The following ETV6 variants were observed in gnomAD, a reference collection of about 807,000 sequenced individuals.
The protein encoded by ETV6 is transcription factor ETV6.
ETV6 carries 16 observed loss-of-function variants against 51.1 expected under a neutral mutation model. The ratio of observed to expected loss-of-function variants is 0.31; its 90% CI spans 0.21 to 0.48. ETV6 has a LOEUF of 0.48. Among genes scored for constraint, ETV6 ranks in the 20% least tolerant of loss-of-function variants. The pLI is 0.99. For missense variants in ETV6, 458 were observed against 594.8 expected, an observed-to-expected ratio of 0.77 and a Z score of 2.39; for synonymous variants, 240 against 224.1, an observed-to-expected ratio of 1.07 and a Z score of -0.64.
intron 1 of ETV6, among the ~76,000 whole-genome samples, chr12:11,739,884 T>C (rs1029131819): frequency 2.6e-5 from 4 of 152,210 alleles, no homozygotes; most frequent in African/African-American, 7.2e-5. Context: ...AGAAGCATTA[T>C]TGGACTTTCT....
intron 1 of ETV6, among the ~76,000 whole-genome samples, chr12:11,746,790 C>CTTTT (rs56135545): frequency 8.4e-6 from 1 of 118,656 alleles, no homozygotes; most frequent in African/African-American, 3.1e-5. Context: ...CTCTCTCTCT[C>CTTTT]TTTTTTTTTT....
chr12:11,799,710 C>T (rs1245768890), intron 2 of ETV6, among the ~76,000 whole-genome samples: 2 of 152,168 alleles, frequency 1.3e-5, no homozygotes, highest in East Asian at 3.8e-4. Flanking sequence ...TTCTTGGTCC[C>T]CAAACTGGGC....
chr12:11,893,768 T>A lies in ETV6; in HGVS notation c.*2722T>A, dbSNP rs912387701. 5.6e-5 allele frequency: 10 copies of A among 179,830 alleles called. No homozygotes were observed. Among genetic ancestry groups the A allele is most frequent in the African/African-American group, 2.5e-4 (10 of 39,374 alleles). The allele number at this position is 179,830 out of a possible 1,614,324, so 11.1% of individuals were successfully genotyped here. On this transcript the variant is annotated 3_prime_UTR_variant, in exon 8 of 8. Transcript: ENST00000396373. ...ATAAATGAATTTTGTGTTTAGACTTTGTGTCCATCCCCAAGATCTCTCATT... is the reference window on the plus strand; with the variant it reads ...ATAAATGAATTTTGTGTTTAGACTTAGTGTCCATCCCCAAGATCTCTCATT...
chr12:11,807,652 T>G (rs1375570318), intron 2 of ETV6, among the ~76,000 whole-genome samples: 1 of 152,234 alleles, frequency 6.6e-6, no homozygotes, highest in African/African-American at 2.4e-5. Context: ...TAGTCTTTAC[T>G]TACTGGCAGG....
chr12:11,751,097 G>T (rs1185659656), intron 1 of ETV6, among the ~76,000 whole-genome samples: 1 of 152,004 alleles, frequency 6.6e-6, no homozygotes. Context: ...CTTAGGGAAG[G>T]TATAGCAATT....
In ETV6 at chr12:11,649,991, G is replaced by A; in HGVS notation, c.-137G>A. ...CGCCCCGCGCGCTCCAGACCCCCGG[G>A]GCGGCTGCCGGGAGAGATGCTGGAA... On this transcript the variant is annotated 5_prime_UTR_variant, in exon 1 of 8. Coordinates refer to ENST00000396373, the MANE Select transcript of ETV6 (RefSeq NM_001987.5). The A allele has an allele frequency of 1.2e-6, 1 of 808,930 alleles. No homozygotes were observed. Among genetic ancestry groups the A allele is most frequent in the East Asian group, 2.6e-5 (1 of 38,352 alleles). The allele number at this position is 808,930 out of a possible 1,614,324, so 50.1% of individuals were successfully genotyped here.
chr12:11,812,480 A>G lies in ETV6; in HGVS notation c.164-26660A>G, dbSNP rs75307168. ...CCCCCTGTGCTCACTCACATACTCA[A>G]ATATATTTAGTGCTTTCCTTCCTCT... On this transcript the variant is annotated intron_variant, in intron 2 of 7. Coordinates refer to ENST00000396373, the MANE Select transcript of ETV6 (RefSeq NM_001987.5). 6.3e-4 allele frequency among the ~76,000 whole-genome samples: 96 copies of G among 152,248 alleles called. No homozygotes were observed. The East Asian group carries it at 8.5e-3, about 13-fold the overall frequency.
At chr12:11,653,200 G>A (rs991474577) in intron 1 of ETV6, among the ~76,000 whole-genome samples, 1 of 152,248 alleles carries the variant, frequency 6.6e-6, no homozygotes, top group African/African-American at 2.4e-5. Flanking sequence ...TTGCCTGGCT[G>A]ACTGTGCTGG....
chr12:11,871,468 G>A (rs1946880840), intron 5 of ETV6, among the ~76,000 whole-genome samples: 1 of 152,120 alleles, frequency 6.6e-6, no homozygotes, highest in African/African-American at 2.4e-5. Flanking sequence ...AGGATTACAG[G>A]CGTGAGCCAC....
intron 1 of ETV6, among the ~76,000 whole-genome samples, chr12:11,688,279 C>G (rs1864675787): frequency 6.6e-6 from 1 of 152,152 alleles, no homozygotes; most frequent in Non-Finnish European, 1.5e-5. Context: ...GATTAAAGGG[C>G]CTTTAGCCCC....
At chr12:11,733,623 C>T (rs1865645471) in intron 1 of ETV6, among the ~76,000 whole-genome samples, 1 of 152,050 alleles carries the variant, frequency 6.6e-6, no homozygotes, top group African/African-American at 2.4e-5. Context: ...ATTCTGACAA[C>T]TCACACTAGG....
intron 5 of ETV6, among the ~76,000 whole-genome samples, chr12:11,879,493 G>C (rs775420342): frequency 6.6e-6 from 1 of 152,222 alleles, no homozygotes; most frequent in South Asian, 2.1e-4. Flanking sequence ...TCTGGTAAGA[G>C]ACAGACGTGG....
At chr12:11,818,659 T>C (rs1946032140) in intron 2 of ETV6, among the ~76,000 whole-genome samples, 1 of 152,178 alleles carries the variant, frequency 6.6e-6, no homozygotes, top group African/African-American at 2.4e-5. Context: ...GCTTGGTATC[T>C]CTGAGCCTAA....
chr12:11,678,438 G>A (rs1057377553), intron 1 of ETV6, among the ~76,000 whole-genome samples: 4 of 152,138 alleles, frequency 2.6e-5, no homozygotes, highest in African/African-American at 9.7e-5. Context: ...ATTGTTTTAT[G>A]CCATATACTC....
At chr12:11,764,209 A>G (rs1186194294) in intron 2 of ETV6, among the ~76,000 whole-genome samples, 4 of 152,180 alleles carry the variant, frequency 2.6e-5, no homozygotes, top group African/African-American at 9.7e-5. Flanking sequence ...AAGTGGAAGG[A>G]CCGTGGCCAG....
At chr12:11,666,577 TG>T (rs1390001786) in intron 1 of ETV6, among the ~76,000 whole-genome samples, 15 of 152,308 alleles carry the variant, frequency 9.8e-5, no homozygotes, top group African/African-American at 2.9e-4. Flanking sequence ...ATGGACCACT[TG>T]GGAGAAATCA....
intron 1 of ETV6, among the ~76,000 whole-genome samples, chr12:11,712,375 A>C (rs1173943072): frequency 6.6e-6 from 1 of 152,218 alleles, no homozygotes; most frequent in Non-Finnish European, 1.5e-5. Context: ...CCTGTGTGGA[A>C]GAAAGGACCT....
At chr12:11,683,485 C>T (rs920009900) in intron 1 of ETV6, among the ~76,000 whole-genome samples, 1 of 152,168 alleles carries the variant, frequency 6.6e-6, no homozygotes. Context: ...TTTTAAATGT[C>T]AGAATAACTT....
At chr12:11,870,665 T>C (rs769212209) in intron 5 of ETV6, among the ~76,000 whole-genome samples, 2 of 152,240 alleles carry the variant, frequency 1.3e-5, no homozygotes, top group Admixed American at 6.5e-5. Context: ...TTAGCTCTTT[T>C]CGTAGAGCAT....
Sources: gnomAD v4.1 joint callset for allele counts (sites outside exome capture counted in the v4.1 genomes callset) on GRCh38, gnomAD v4.1.1 for gene constraint, MANE v1.5 for transcripts, NCBI Gene and HGNC (gene_info 2026-07-23, HGNC 2026-07-21) for gene names.